Variants in STK25 observed in about 807,000 individuals in gnomAD.
The protein encoded by STK25 is serine/threonine-protein kinase 25.
A neutral mutation model predicts 53.8 loss-of-function variants in STK25; 29 were observed. That is an observed-to-expected ratio of 0.54 (90% CI 0.40 to 0.74). The LOEUF is 0.74. STK25 is among the 30% of genes least tolerant of loss of function. The pLI, the probability that STK25 is intolerant of heterozygous loss-of-function variation, is 0.00. For synonymous variants in STK25, 247 were observed against 238.3 expected (o/e 1.04, Z -0.33); for missense variants, 420 against 568.0 (o/e 0.74, Z 2.65).
chr2:241,500,197 G>C lies in STK25; in HGVS notation c.403C>G (p.Arg135Gly), dbSNP rs146467504. The C allele has an allele frequency of 6.2e-7, 1 of 1,612,220 alleles. No homozygotes were observed. Among genetic ancestry groups the C allele is most frequent in the African/African-American group, 1.3e-5 (1 of 74,266 alleles). Residue 135 changes from arginine to glycine, a missense_variant, in exon 5 of 12, where the codon CGC becomes GGC. Transcript: ENST00000316586. ...LKGLDYLHSE[R>G]KIHRDIKAAN... ...CCTTTGATGTCTCGGTGGATCTTGC[G>C]TTCGGAGTGCAGATAATCCAGGCCC...
In STK25 at chr2:241,496,591, T is replaced by C. The variant is rs748078380; in HGVS notation, c.1105-57A>G. 1 of 1,569,982 alleles carries C rather than the reference T, an allele frequency of 6.4e-7. No homozygotes were observed. The highest frequency in any genetic ancestry group is 1.1e-5 in the South Asian group (1 of 87,846). ...CCCCAGGACAGGCCTTCAGGGAGCC[T>C]GCTCCTTTGCTCGGCCACAGTGATG... On this transcript the variant is annotated intron_variant, in intron 10 of 11. Coordinates refer to ENST00000316586, the MANE Select transcript of STK25 (RefSeq NM_001271977.2). The surrounding 1 kb of genome is among the most constrained non-coding windows in gnomAD (Gnocchi z 5.8).
In STK25 at chr2:241,496,604, G is replaced by C. The variant is rs908367399; in HGVS notation, c.1105-70C>G. 8 of 1,550,074 alleles carry C rather than the reference G, an allele frequency of 5.2e-6. No individual in the cohort carries two copies. The highest frequency in any genetic ancestry group is 1.4e-5 in the African/African-American group (1 of 73,504). On this transcript the variant is annotated intron_variant, in intron 10 of 11. Transcript: ENST00000316586. This position sits in a 1 kb window ranked among gnomAD's most constrained non-coding sequence, Gnocchi z 5.8. ...CTTCAGGGAGCCTGCTCCTTTGCTC[G>C]GCCACAGTGATGCCGGAGGCCTTCA...
chr2:241,499,997 A>G (rs1380548925), intron 5 of STK25, 176 bp downstream of exon 5: 2 of 698,368 alleles, frequency 2.9e-6, no homozygotes, highest in East Asian at 2.7e-5. Context: ...AACCGTTACA[A>G]GTAGTATCTT....
At position 241,501,091 on chromosome 2, in the gene STK25, A is replaced by T. The variant is rs2124976687; in HGVS notation, c.262-295T>A. 1.8e-6 allele frequency: 1 copy of T among 563,220 alleles called. No homozygotes were observed. The highest frequency in any genetic ancestry group is 3.0e-5 in the East Asian group (1 of 33,358). The allele number at this position is 563,220 out of a possible 1,614,324, so 34.9% of individuals were successfully genotyped here. On this transcript the variant is annotated intron_variant, in intron 3 of 11. Transcript: ENST00000316586. This position sits in a 1 kb window ranked among gnomAD's most constrained non-coding sequence, Gnocchi z 5.3. Reference sequence around the variant, plus strand: ...AGTCCTACAGGGCTGGGAAGAGGGCATGGCTGGCAAGCATGTGACCCGACA... The same window carrying T: ...AGTCCTACAGGGCTGGGAAGAGGGCTTGGCTGGCAAGCATGTGACCCGACA...
intron 4 of STK25, 52 bp from the exon 5 acceptor site, chr2:241,500,333 G>A (rs1240404579): frequency 7.6e-7 from 1 of 1,314,198 alleles, no homozygotes; most frequent in African/African-American, 1.5e-5. Context: ...CAGGCCCAAT[G>A]CCTGAGTTCT....
At chr2:241,507,858 C>A in intron 2 of STK25, 148 bp downstream of exon 2, 2 of 844,836 alleles carry the variant, frequency 2.4e-6, no homozygotes, top group Non-Finnish European at 3.7e-6. Context: ...CTGCGCCCAC[C>A]TCAGGACGGC....
intron 5 of STK25, 196 bp from the exon 6 acceptor site, chr2:241,499,610 C>G (rs1026149406): frequency 1.9e-5 from 12 of 648,312 alleles, no homozygotes; most frequent in Non-Finnish European, 2.6e-6. Context: ...AGGAGCCCAA[C>G]GGCTCCACTC....
In STK25 at chr2:241,498,335, T is replaced by G. The variant is rs549756176; in HGVS notation, c.932A>C (p.Glu311Ala). Reference protein sequence around the residue: ...SEDSDIDGEAEDGEQGPIWTF... With the variant: ...SEDSDIDGEAADGEQGPIWTF... ...CCAGATGGGGCCCTGCTCCCCGTCC[T>G]CCGCCTCGCCATCACTGAAGAGGAT... Residue 311 changes from glutamate to alanine, a missense_variant, in exon 9 of 12, where the codon GAG becomes GCG. By Grantham distance (107) the Glu-to-Ala change is moderately radical. Coordinates refer to ENST00000316586, the MANE Select transcript of STK25 (RefSeq NM_001271977.2). 1.3e-6 allele frequency: 2 copies of G among 1,594,196 alleles called. No individual in the cohort carries two copies. Among genetic ancestry groups the G allele is most frequent in the South Asian group, 1.1e-5 (1 of 88,888 alleles).
Position 241,492,811 on chromosome 2 carries a change from T to TA in STK25, c.*2850dup. 1.5e-6 allele frequency: 1 copy of TA among 654,812 alleles called. No individual in the cohort carries two copies. 40.6% of individuals were successfully genotyped at this position (654,812 alleles called of 1,614,324 possible). ...GCTGCTGTTCATAGCAGTCCAGAGGTAAAACCAAGGCCTCAGCTGGAGAAA... is the reference window on the plus strand; with the variant it reads ...GCTGCTGTTCATAGCAGTCCAGAGGTAAAAACCAAGGCCTCAGCTGGAGAAA... On this transcript the variant is annotated 3_prime_UTR_variant, in exon 12 of 12. Coordinates refer to ENST00000316586, the MANE Select transcript of STK25 (RefSeq NM_001271977.2).
At position 241,501,666 on chromosome 2, in the gene STK25, G is replaced by A. The variant is rs991514164; in HGVS notation, c.73C>T (p.Arg25Cys). The A allele has an allele frequency of 4.3e-6, 7 of 1,613,858 alleles. No individual in the cohort carries two copies. The highest frequency in any genetic ancestry group is 4.0e-5 in the African/African-American group (3 of 74,900). ...DPEELFTKLDRIGKGSFGEVY... is the reference protein window; with the variant it reads ...DPEELFTKLDCIGKGSFGEVY... The stretch of plus-strand genomic sequence containing the variant: ...TCCCCAAACGAGCCCTTGCCAATGC[G>A]GTCGAGCTTGGTGAAGAGCTCCTCA... The change falls in exon 3 of 12, where the codon CGC (arginine) becomes TGC (cysteine). Residue 25 changes from arginine to cysteine, a missense_variant. By Grantham distance (180) the Arg-to-Cys change is radical. Transcript: ENST00000316586. The surrounding 1 kb of genome is among the most constrained non-coding windows in gnomAD (Gnocchi z 5.3).
chr2:241,501,772 G>C lies in STK25; in HGVS notation c.31-64C>G. The stretch of plus-strand genomic sequence containing the variant: ...GGTCACAAGAGGCGGGGGACAGGCA[G>C]AGGCTGCCCTGCTGGGGAGGAAGGG... On this transcript the variant is annotated intron_variant, in intron 2 of 11. Coordinates refer to ENST00000316586, the MANE Select transcript of STK25 (RefSeq NM_001271977.2). This position sits in a 1 kb window ranked among gnomAD's most constrained non-coding sequence, Gnocchi z 5.3. The C allele has an allele frequency of 1.5e-6, 2 of 1,310,968 alleles. No individual in the cohort carries two copies. Among genetic ancestry groups the C allele is most frequent in the African/African-American group, 1.4e-5 (1 of 69,380 alleles). The allele number at this position is 1,310,968 out of a possible 1,614,324, so 81.2% of individuals were successfully genotyped here.
At position 241,508,499 on chromosome 2, in the gene STK25, T is replaced by C; in HGVS notation, c.-157A>G. 3 of 1,020,800 alleles carry C rather than the reference T, an allele frequency of 2.9e-6. No individual in the cohort carries two copies. Among genetic ancestry groups the C allele is most frequent in the South Asian group, 6.5e-5 (2 of 30,960 alleles). The allele number at this position is 1,020,800 out of a possible 1,614,324, so 63.2% of individuals were successfully genotyped here. On this transcript the variant is annotated 5_prime_UTR_variant, in exon 1 of 12. Transcript: ENST00000316586. ...CCCGCTCTGCAGCGCCCGCGAAGGC[T>C]CCCACCCGCAGCCTCTGTTCGCCCG...
At chr2:241,498,199 G>T (rs979130676) in intron 9 of STK25, 36 bp downstream of exon 9, 1 of 1,573,684 alleles carries the variant, frequency 6.4e-7, no homozygotes, top group South Asian at 1.1e-5. Context: ...CGGCCCCAGG[G>T]GTGCACAGAG....
At position 241,501,370 on chromosome 2, in the gene STK25, G is replaced by C. The variant is rs1403375790; in HGVS notation, c.261+108C>G. The C allele has an allele frequency of 2.6e-6, 3 of 1,156,830 alleles. No individual in the cohort carries two copies. The highest frequency in any genetic ancestry group is 3.8e-4 in the Middle Eastern group (2 of 5,234). 71.7% of individuals were successfully genotyped at this position (1,156,830 alleles called of 1,614,324 possible). On this transcript the variant is annotated intron_variant, in intron 3 of 11. Transcript: ENST00000316586. This position sits in a 1 kb window ranked among gnomAD's most constrained non-coding sequence, Gnocchi z 5.3. ...GGCAGTTTCCCGGAGGGCATGCACT[G>C]AACCGTCAAGACCGCCTTGCACCCT...
At chr2:241,507,942 C>A in intron 2 of STK25, 64 bp downstream of exon 2, 1 of 1,487,172 alleles carries the variant, frequency 6.7e-7, no homozygotes, top group Non-Finnish European at 9.2e-7. Context: ...CCTCTGAACC[C>A]CCAGGAGACT....
At chr2:241,506,979 TG>T (rs1394477034) in intron 2 of STK25, among the ~76,000 whole-genome samples, 2 of 152,210 alleles carry the variant, frequency 1.3e-5, no homozygotes, top group Non-Finnish European at 2.9e-5. Flanking sequence ...GTCTCTAGGC[TG>T]GTCCGGTTTC....
At chr2:241,499,585 A>T in intron 5 of STK25, 171 bp from the exon 6 acceptor site, 2 of 777,150 alleles carry the variant, frequency 2.6e-6, no homozygotes, top group Non-Finnish European at 4.0e-6. Context: ...CTAGGGCCAC[A>T]GGGGCACTGC....
intron 2 of STK25, among the ~76,000 whole-genome samples, chr2:241,502,630 T>C (rs907292047): frequency 3.9e-5 from 6 of 151,906 alleles, no homozygotes; most frequent in Admixed American, 2.0e-4. Context: ...TCCGAGCTAC[T>C]TGAGAGTCCA....
rs745671093 is a variant in STK25 at position 241,500,804 on chromosome 2, C to G, written c.262-8G>C. On this transcript the variant is annotated splice_region_variant and splice_polypyrimidine_tract_variant and intron_variant, in intron 3 of 11. Transcript: ENST00000316586. ...GATCCATAGCTTGGTGCTCTGGGAC[C>G]GGAGACAAACCCATCAGCATTTGGC... 4 of 1,613,410 alleles carry G rather than the reference C, an allele frequency of 2.5e-6. No homozygotes were observed. The highest frequency in any genetic ancestry group is 1.7e-4 in the Middle Eastern group (1 of 6,054).
Sources: allele counts gnomAD v4.1 joint callset (sites outside exome capture counted in the v4.1 genomes callset), GRCh38; gene constraint gnomAD v4.1.1; non-coding constraint Gnocchi (gnomAD v3.1); transcripts MANE v1.5; gene names NCBI Gene and HGNC (gene_info 2026-07-23, HGNC 2026-07-21).